The following TBC1D22A variants were observed in gnomAD, a reference collection of about 807,000 sequenced individuals.
The protein encoded by TBC1D22A is putative GTPase activator.
A neutral mutation model predicts 60.2 loss-of-function variants in TBC1D22A; 38 were observed. The observed-to-expected ratio is 0.63, with a 90% CI of 0.49 to 0.83. The LOEUF (loss-of-function observed/expected upper bound fraction) is 0.83, where lower values mean the gene tolerates loss of function less well. TBC1D22A is among the 40% of genes least tolerant of loss of function. TBC1D22A has a pLI of 0.00. For missense variants in TBC1D22A, 628 were observed against 701.0 expected, an observed-to-expected ratio of 0.90 and a Z score of 1.18; for synonymous variants, 302 against 281.7, an observed-to-expected ratio of 1.07 and a Z score of -0.72.
intron 9 of TBC1D22A, among the ~76,000 whole-genome samples, chr22:46,993,691 C>G (rs2075023732): frequency 6.6e-6 from 1 of 152,208 alleles, no homozygotes; most frequent in African/African-American, 2.4e-5. Context: ...CGGGCAGCTG[C>G]TGGGAGGGCC....
At chr22:46,876,602 G>T (rs1302082100) in intron 4 of TBC1D22A, among the ~76,000 whole-genome samples, 1 of 152,194 alleles carries the variant, frequency 6.6e-6, no homozygotes, top group African/African-American at 2.4e-5. Flanking sequence ...TAGCTTTCAG[G>T]GGAAGAGGAG....
intron 10 of TBC1D22A, among the ~76,000 whole-genome samples, chr22:47,002,313 C>A (rs895190773): frequency 6.6e-6 from 1 of 152,208 alleles, no homozygotes; most frequent in Non-Finnish European, 1.5e-5. Flanking sequence ...CCTCTGAAAT[C>A]ACATGATCCC....
chr22:46,935,482 G>A (rs191676711), intron 8 of TBC1D22A, among the ~76,000 whole-genome samples: 141 of 152,346 alleles, frequency 9.3e-4, no homozygotes, highest in African/African-American at 3.3e-3. Context: ...TGGGCAGTTT[G>A]AAAATACAGT....
chr22:46,902,439 T>G (rs912704779), intron 7 of TBC1D22A, among the ~76,000 whole-genome samples: 6 of 152,268 alleles, frequency 3.9e-5, no homozygotes, highest in African/African-American at 1.4e-4. Flanking sequence ...CTTTAGTAGC[T>G]AATGATATCC....
At chr22:46,840,488 A>C (rs1264837921) in intron 4 of TBC1D22A, among the ~76,000 whole-genome samples, 2 of 152,226 alleles carry the variant, frequency 1.3e-5, no homozygotes, top group African/African-American at 2.4e-5. Context: ...TAATCCCAGC[A>C]CTTTGGGAGC....
intron 9 of TBC1D22A, among the ~76,000 whole-genome samples, chr22:46,988,949 T>G (rs917620202): frequency 6.6e-6 from 1 of 152,248 alleles, no homozygotes; most frequent in African/African-American, 2.4e-5. Context: ...ATCTGTTGTT[T>G]AGAGTAGCCA....
chr22:46,976,184 T>C (rs959004784), intron 9 of TBC1D22A, among the ~76,000 whole-genome samples: 1 of 152,250 alleles, frequency 6.6e-6, no homozygotes, highest in Non-Finnish European at 1.5e-5. Flanking sequence ...GTAAATAAAA[T>C]CTGCTGTACA....
chr22:46,851,391 C>T (rs564696065), intron 4 of TBC1D22A, among the ~76,000 whole-genome samples: 1 of 152,358 alleles, frequency 6.6e-6, no homozygotes. Flanking sequence ...CCTGCTGCTG[C>T]ACTCATCTCT....
chr22:46,769,093 CAAA>C (rs61105868), intron 1 of TBC1D22A, among the ~76,000 whole-genome samples: 3 of 72,648 alleles, frequency 4.1e-5, no homozygotes, highest in African/African-American at 5.7e-5. Context: ...GACTCTGTCT[CAAA>C]AAAAAAAAAA....
At chr22:46,762,876 G>T (rs1328140595) in intron 1 of TBC1D22A, 28 bp downstream of exon 1, 5 of 1,470,688 alleles carry the variant, frequency 3.4e-6, no homozygotes, top group Non-Finnish European at 3.6e-6. Flanking sequence ...GGCCAGGTCG[G>T]GGTCAGGGGT....
intron 8 of TBC1D22A, among the ~76,000 whole-genome samples, chr22:46,936,299 T>G (rs769055691): frequency 6.6e-6 from 1 of 151,352 alleles, no homozygotes; most frequent in Admixed American, 6.6e-5. Context: ...GCACGCCCTC[T>G]TCCTGGGGCC....
chr22:47,168,438 T>G (rs1045977139), intron 12 of TBC1D22A, among the ~76,000 whole-genome samples: 1 of 152,010 alleles, frequency 6.6e-6, no homozygotes, highest in African/African-American at 2.4e-5. Context: ...GGCTCGGTTT[T>G]GGGGATATAG....
intron 1 of TBC1D22A, chr22:46,789,369 C>T (rs964395972): frequency 4.4e-6 from 2 of 456,908 alleles, no homozygotes; most frequent in Admixed American, 2.5e-5. Flanking sequence ...TCGTGATCCG[C>T]CCGCCTCGGC....
intron 4 of TBC1D22A, among the ~76,000 whole-genome samples, chr22:46,825,556 C>T (rs961676058): frequency 8.5e-5 from 13 of 152,200 alleles, no homozygotes; most frequent in Admixed American, 2.0e-4. Context: ...TCACTGCAAA[C>T]GCTGCCTCCC....
intron 4 of TBC1D22A, among the ~76,000 whole-genome samples, chr22:46,824,230 G>A (rs1008829045): frequency 1.3e-5 from 2 of 152,170 alleles, no homozygotes; most frequent in African/African-American, 4.8e-5. Context: ...TAGCTTCCGT[G>A]GCTCGAGGCT....
At chr22:46,825,990 C>T (rs1012619582) in intron 4 of TBC1D22A, among the ~76,000 whole-genome samples, 2 of 151,370 alleles carry the variant, frequency 1.3e-5, no homozygotes, top group Admixed American at 6.6e-5. Flanking sequence ...TCACGCCATT[C>T]TCCTGCCTCA....
intron 11 of TBC1D22A, among the ~76,000 whole-genome samples, chr22:47,083,643 T>C (rs1049771999): frequency 6.6e-6 from 1 of 152,168 alleles, no homozygotes; most frequent in African/African-American, 2.4e-5. Flanking sequence ...CTGAGCTCTG[T>C]GAATCTGTCT....
intron 4 of TBC1D22A, among the ~76,000 whole-genome samples, chr22:46,857,875 C>G (rs2087650251): frequency 6.6e-6 from 1 of 152,214 alleles, no homozygotes; most frequent in Non-Finnish European, 1.5e-5. Context: ...TTCATCCACT[C>G]TTAGTGAATG....
At chr22:47,158,247 G>A (rs2067802315) in intron 12 of TBC1D22A, among the ~76,000 whole-genome samples, 1 of 152,230 alleles carries the variant, frequency 6.6e-6, no homozygotes, top group Non-Finnish European at 1.5e-5. Context: ...AACTTAGCAG[G>A]ATCAGCTCTA....
Sources: gnomAD v4.1 joint callset for allele counts (sites outside exome capture counted in the v4.1 genomes callset) on GRCh38, gnomAD v4.1.1 for gene constraint, MANE v1.5 for transcripts, NCBI Gene and HGNC (gene_info 2026-07-23, HGNC 2026-07-21) for gene names.